MAPK10: variants seen among roughly 807,000 people sequenced by gnomAD.
The protein encoded by MAPK10 is JNK3 alpha protein kinase.
A neutral mutation model predicts 59.3 loss-of-function variants in MAPK10; 25 were observed. The observed-to-expected ratio is 0.42, with a 90% CI of 0.31 to 0.59. The LOEUF (loss-of-function observed/expected upper bound fraction) is 0.59. Ranked by LOEUF, MAPK10 falls within the 20% of genes least tolerant of loss-of-function variation. MAPK10 has a pLI of 0.15. For missense variants in MAPK10, 351 were observed against 568.9 expected, an observed-to-expected ratio of 0.62 and a Z score of 3.90; for synonymous variants, 190 against 200.5, an observed-to-expected ratio of 0.95 and a Z score of 0.44.
chr4:86,073,649 G>T (rs2048530348), intron 9 of MAPK10, among the ~76,000 whole-genome samples: 2 of 111,192 alleles, frequency 1.8e-5, no homozygotes, highest in Non-Finnish European at 3.9e-5. Context: ...ATTTCGTTAT[G>T]TACCCAGTAG....
chr4:86,194,716 T>A (rs1399670322), intron 2 of MAPK10, among the ~76,000 whole-genome samples: 2 of 151,768 alleles, frequency 1.3e-5, no homozygotes, highest in East Asian at 3.9e-4. Context: ...GTTCTTAACA[T>A]TTAATTTACA....
At chr4:86,335,759 T>G (rs987697282) in intron 2 of MAPK10, among the ~76,000 whole-genome samples, 2 of 152,112 alleles carry the variant, frequency 1.3e-5, no homozygotes, top group African/African-American at 2.4e-5. Context: ...AACAAGGACT[T>G]TCACATGGCG....
At chr4:86,267,003 T>G (rs1021321319) in intron 2 of MAPK10, among the ~76,000 whole-genome samples, 3 of 152,128 alleles carry the variant, frequency 2.0e-5, no homozygotes, top group Non-Finnish European at 4.4e-5. Flanking sequence ...GAGTCCAGAT[T>G]TATTTCAGGA....
intron 2 of MAPK10, among the ~76,000 whole-genome samples, chr4:86,278,137 G>A (rs79632371): frequency 2.8e-4 from 42 of 152,152 alleles, no homozygotes; most frequent in Middle Eastern, 3.4e-3. Context: ...AAAGACAGAC[G>A]TACAATCTTA....
intron 4 of MAPK10, among the ~76,000 whole-genome samples, chr4:86,151,014 T>A (rs1272902303): frequency 6.6e-6 from 1 of 152,022 alleles, no homozygotes; most frequent in Non-Finnish European, 1.5e-5. Context: ...TTTTTGTAGA[T>A]GAGAATTTGG....
chr4:86,492,846 A>T (rs766991991), intron 1 of MAPK10, among the ~76,000 whole-genome samples: 1 of 152,200 alleles, frequency 6.6e-6, no homozygotes, highest in Non-Finnish European at 1.5e-5. Flanking sequence ...AAATGAAGGC[A>T]CCCAAAAACT....
intron 11 of MAPK10, among the ~76,000 whole-genome samples, chr4:86,049,490 A>T (rs1483256980): frequency 6.6e-6 from 1 of 152,052 alleles, no homozygotes; most frequent in African/African-American, 2.4e-5. Flanking sequence ...AAATAAGTCT[A>T]ACTGAGCTTT....
intron 2 of MAPK10, among the ~76,000 whole-genome samples, chr4:86,348,946 T>C (rs1048686144): frequency 6.6e-6 from 1 of 152,166 alleles, no homozygotes; most frequent in Non-Finnish European, 1.5e-5. Flanking sequence ...ATCTTCACCA[T>C]CCTCAACAAA....
chr4:86,135,683 T>C (rs993580100), intron 4 of MAPK10, among the ~76,000 whole-genome samples: 4 of 152,092 alleles, frequency 2.6e-5, no homozygotes, highest in Admixed American at 6.5e-5. Context: ...CAAAGCTGGA[T>C]GGAGAATGAC....
chr4:86,101,038 C>G lies in MAPK10; in HGVS notation c.730+14G>C. 4 of 1,611,576 alleles carry G rather than the reference C, an allele frequency of 2.5e-6. No homozygotes were observed. In the South Asian group the frequency reaches 4.4e-5, roughly 18 times the overall value. ...ATTCATGGTTTTGATGCTGCTCTCCCGAAGCATCCCTACCGTTCTCCTTGT... is the reference window on the plus strand; with the variant it reads ...ATTCATGGTTTTGATGCTGCTCTCCGGAAGCATCCCTACCGTTCTCCTTGT... On this transcript the variant is annotated intron_variant, in intron 8 of 13. Coordinates refer to ENST00000641462, the MANE Select transcript of MAPK10 (RefSeq NM_138982.4).
intron 2 of MAPK10, among the ~76,000 whole-genome samples, chr4:86,351,869 T>C (rs1472991152): frequency 1.3e-5 from 2 of 152,174 alleles, no homozygotes; most frequent in African/African-American, 4.8e-5. Context: ...AGTTATCATT[T>C]TGAAAGACAC....
intron 1 of MAPK10, among the ~76,000 whole-genome samples, chr4:86,368,935 G>T (rs908753258): frequency 2.0e-5 from 3 of 152,094 alleles, no homozygotes; most frequent in African/African-American, 7.2e-5. Context: ...GATGCTAATA[G>T]AAAACGCCCT....
Position 86,132,318 on chromosome 4 carries a change from C to T in MAPK10, c.237-24966G>A, listed in dbSNP as rs531485303. Among the ~76,000 whole-genome samples the T allele has an allele frequency of 5.3e-4, 81 of 152,078 alleles. No homozygotes were observed. In the Middle Eastern group the frequency reaches 0.024, roughly 45 times the overall value. ...CTAATGATTTTATGTTGCCCTTTAT[C>T]GACTGTTGAAAAGAAAACTCAAACT... On this transcript the variant is annotated intron_variant, in intron 4 of 13. Coordinates refer to ENST00000641462, the MANE Select transcript of MAPK10 (RefSeq NM_138982.4).
chr4:86,577,012 T>C (rs1396192101), intron 1 of MAPK10, among the ~76,000 whole-genome samples: 2 of 152,314 alleles, frequency 1.3e-5, no homozygotes, highest in African/African-American at 4.8e-5. Context: ...TTAGTATAAA[T>C]GCATTTTTAG....
chr4:86,314,953 C>G (rs1229531711), intron 2 of MAPK10, among the ~76,000 whole-genome samples: 1 of 152,034 alleles, frequency 6.6e-6, no homozygotes, highest in African/African-American at 2.4e-5. Flanking sequence ...TATTTTTAAC[C>G]TATCCCTTAT....
intron 11 of MAPK10, among the ~76,000 whole-genome samples, chr4:86,050,592 A>G (rs960875839): frequency 3.3e-5 from 5 of 152,054 alleles, no homozygotes; most frequent in Non-Finnish European, 1.5e-5. Flanking sequence ...GTAAGGCAAT[A>G]TTTTAAATTA....
intron 2 of MAPK10, among the ~76,000 whole-genome samples, chr4:86,269,817 G>A (rs1418416448): frequency 1.3e-5 from 2 of 151,988 alleles, no homozygotes; most frequent in Admixed American, 6.6e-5. Context: ...TTCAATATTT[G>A]GTGTCACTCC....
At chr4:86,038,180 T>G (rs1235491709) in intron 11 of MAPK10, among the ~76,000 whole-genome samples, 4 of 152,364 alleles carry the variant, frequency 2.6e-5, no homozygotes, top group East Asian at 3.9e-4. Context: ...ACTTATGCTC[T>G]GAACCATATG....
intron 1 of MAPK10, among the ~76,000 whole-genome samples, chr4:86,487,360 A>AGTGT (rs1344194192): frequency 0.052 from 1,727 of 33,010 alleles, 38 homozygotes; most frequent in African/African-American, 0.1. Context: ...AGAGAGAGAG[A>AGTGT]GAGTGTGTGT....
Sources: allele counts gnomAD v4.1 joint callset (sites outside exome capture counted in the v4.1 genomes callset), GRCh38; gene constraint gnomAD v4.1.1; transcripts MANE v1.5; gene names NCBI Gene and HGNC (gene_info 2026-07-23, HGNC 2026-07-21).